The following PTPRG variants were observed in gnomAD, a reference collection of about 807,000 sequenced individuals.
PTPRG encodes receptor-type tyrosine-protein phosphatase gamma.
Under a neutral mutation model 165.3 loss-of-function variants are expected in PTPRG, and 102 were observed. That is an observed-to-expected ratio of 0.62 (90% CI 0.53 to 0.73). The LOEUF is 0.73. Ranked by LOEUF, PTPRG falls within the 30% of genes least tolerant of loss-of-function variation. The probability of loss-of-function intolerance (pLI) is 0.00; values close to 1 mark genes in which losing one functional copy is unlikely to be tolerated. For missense variants in PTPRG, 1,866 were observed against 1,861.4 expected, an observed-to-expected ratio of 1.00 and a Z score of -0.05; for synonymous variants, 675 against 669.5, an observed-to-expected ratio of 1.01 and a Z score of -0.13.
In PTPRG at chr3:62,229,772, T is replaced by C. The variant is rs1700851122; in HGVS notation, c.2289-1453T>C. ...GATATTAGTTATTGATTGTGTGGCA[T>C]TTGCTTCTCAGCAAAAGTGTTGTCA... is the stretch of plus-strand genomic sequence containing the variant. On this transcript the variant is annotated intron_variant, in intron 13 of 29. Coordinates refer to ENST00000474889, the MANE Select transcript of PTPRG (RefSeq NM_002841.4). This position sits in a 1 kb window ranked among gnomAD's most constrained non-coding sequence, Gnocchi z 4.6. Among the ~76,000 whole-genome samples the C allele has an allele frequency of 6.6e-6, 1 of 152,218 alleles. No individual in the cohort carries two copies. Among genetic ancestry groups the C allele is most frequent in the Non-Finnish European group, 1.5e-5 (1 of 68,036 alleles).
chr3:61,733,436 G>A (rs2032595927), intron 1 of PTPRG, among the ~76,000 whole-genome samples: 1 of 151,556 alleles, frequency 6.6e-6, no homozygotes, highest in African/African-American at 2.4e-5. Flanking sequence ...AGATTGCCTG[G>A]TTTTTAAAAT....
intron 4 of PTPRG, among the ~76,000 whole-genome samples, chr3:62,046,446 G>C (rs889928840): frequency 1.3e-5 from 2 of 152,128 alleles, no homozygotes; most frequent in Non-Finnish European, 2.9e-5. Flanking sequence ...AGTACCTTAT[G>C]TATACACTTC....
intron 3 of PTPRG, among the ~76,000 whole-genome samples, chr3:62,003,052 A>T (rs1295996887): frequency 6.6e-6 from 1 of 152,086 alleles, no homozygotes; most frequent in Non-Finnish European, 1.5e-5. Context: ...ACTGATTCAG[A>T]GCGACTTTTT....
chr3:62,082,893 T>TG (rs1361388265), intron 5 of PTPRG, among the ~76,000 whole-genome samples: 1 of 152,200 alleles, frequency 6.6e-6, no homozygotes, highest in Non-Finnish European at 1.5e-5. Flanking sequence ...TTCCATCACA[T>TG]GGTAGTAATG....
In PTPRG at chr3:61,652,738, AT is replaced by A. The variant is rs570839376; in HGVS notation, c.85+90368del. Among the ~76,000 whole-genome samples, 38 of 152,232 alleles carry A rather than the reference AT, an allele frequency of 2.5e-4. 1 individual carries two copies. The South Asian group carries it at 7.7e-3, about 31-fold the overall frequency. ...CTGTGTTGCTGGAGCTCTTCTGTGCATTGTAGGATGTGTAGTAGTATTCCTG... is the reference window on the plus strand; with the variant it reads ...CTGTGTTGCTGGAGCTCTTCTGTGCATGTAGGATGTGTAGTAGTATTCCTG... On this transcript the variant is annotated intron_variant, in intron 1 of 29. Coordinates refer to ENST00000474889, the MANE Select transcript of PTPRG (RefSeq NM_002841.4).
In PTPRG at chr3:62,210,486, T is replaced by G. The variant is rs1271624249; in HGVS notation, c.2155+6536T>G. Among the ~76,000 whole-genome samples, 3 of 152,196 alleles carry G rather than the reference T, an allele frequency of 2.0e-5. No homozygotes were observed. Among genetic ancestry groups the G allele is most frequent in the Non-Finnish European group, 4.4e-5 (3 of 68,030 alleles). On this transcript the variant is annotated intron_variant, in intron 12 of 29. Transcript: ENST00000474889. This position sits in a 1 kb window ranked among gnomAD's most constrained non-coding sequence, Gnocchi z 4.1. ...GCACTGCTAGTGGGAATGTAAAATG[T>G]GCAGCCCCTGTGGAAAATAGTATGG...
intron 5 of PTPRG, among the ~76,000 whole-genome samples, chr3:62,081,269 C>CAA (rs1225321472): frequency 1.0e-5 from 1 of 99,078 alleles, no homozygotes; most frequent in Admixed American, 9.4e-5. Flanking sequence ...AACAAACAAA[C>CAA]AAACAAACAA....
At chr3:61,819,059 CACT>C (rs2035879126) in intron 2 of PTPRG, among the ~76,000 whole-genome samples, 1 of 152,038 alleles carries the variant, frequency 6.6e-6, no homozygotes, top group African/African-American at 2.4e-5. Context: ...AAGACTCTGT[CACT>C]ATAAGGAAAG....
At chr3:61,769,292 A>G (rs1376934357) in intron 2 of PTPRG, 1 of 152,102 alleles carries the variant, frequency 6.6e-6, no homozygotes, top group Non-Finnish European at 1.5e-5. Flanking sequence ...GTTTCCATAT[A>G]GGGTTTTACT....
intron 4 of PTPRG, among the ~76,000 whole-genome samples, chr3:62,004,481 A>C (rs1307458625): frequency 6.6e-6 from 1 of 152,200 alleles, no homozygotes. Flanking sequence ...CATTGCACCA[A>C]ATACCTCCTT....
intron 5 of PTPRG, among the ~76,000 whole-genome samples, chr3:62,113,827 T>G (rs183006485): frequency 2.5e-3 from 378 of 152,182 alleles, no homozygotes; most frequent in Middle Eastern, 0.01. Context: ...TTCCTCATCC[T>G]TTTTAACTAC....
intron 4 of PTPRG, among the ~76,000 whole-genome samples, chr3:62,061,631 TC>T (rs1191733672): frequency 1.1e-4 from 11 of 95,812 alleles, no homozygotes; most frequent in Non-Finnish European, 2.1e-4. Context: ...TCTTTTCTTT[TC>T]TTTTTTTTTT....
At chr3:61,716,180 AC>A (rs2106769848) in intron 1 of PTPRG, among the ~76,000 whole-genome samples, 1 of 152,296 alleles carries the variant, frequency 6.6e-6, no homozygotes, top group Non-Finnish European at 1.5e-5. Flanking sequence ...ATTGGGGATC[AC>A]GTCACAACTC....
intron 17 of PTPRG, among the ~76,000 whole-genome samples, 155 bp from the exon 18 acceptor site, chr3:62,267,255 G>T (rs1283665586): frequency 2.0e-5 from 3 of 152,062 alleles, no homozygotes; most frequent in Admixed American, 6.6e-5. Context: ...ATTTTGGGAT[G>T]GGTTTGAATG....
intron 2 of PTPRG, among the ~76,000 whole-genome samples, chr3:61,870,665 G>A (rs552822790): frequency 2.0e-5 from 3 of 150,904 alleles, no homozygotes; most frequent in Non-Finnish European, 4.4e-5. Context: ...ACAGGCATGA[G>A]CCATCGCACC....
At chr3:61,988,010 A>G (rs1407324510) in intron 2 of PTPRG, among the ~76,000 whole-genome samples, 1 of 152,230 alleles carries the variant, frequency 6.6e-6, no homozygotes, top group Non-Finnish European at 1.5e-5. Flanking sequence ...TGAAAAGCCT[A>G]TGACAGTTGT....
intron 2 of PTPRG, chr3:61,750,085 T>A (rs2033370368): frequency 6.6e-6 from 1 of 152,222 alleles, no homozygotes; most frequent in Admixed American, 6.5e-5. Flanking sequence ...AGTGAACAGA[T>A]AGTGATTCTG....
At chr3:61,648,504 A>G (rs1702265815) in intron 1 of PTPRG, among the ~76,000 whole-genome samples, 1 of 152,222 alleles carries the variant, frequency 6.6e-6, no homozygotes, top group African/African-American at 2.4e-5. Flanking sequence ...TTGGAATTAC[A>G]CATCTTGAAA....
chr3:62,173,774 G>A (rs1327584756), intron 8 of PTPRG, among the ~76,000 whole-genome samples: 1 of 152,158 alleles, frequency 6.6e-6, no homozygotes, highest in African/African-American at 2.4e-5. Flanking sequence ...TCGTGAACTT[G>A]AGGCAGCCAG....
Sources: allele counts gnomAD v4.1 joint callset (sites outside exome capture counted in the v4.1 genomes callset), GRCh38; gene constraint gnomAD v4.1.1; non-coding constraint Gnocchi (gnomAD v3.1); transcripts MANE v1.5; gene names NCBI Gene and HGNC (gene_info 2026-07-23, HGNC 2026-07-21).